Variants in CCDC7 observed in about 807,000 individuals in gnomAD.
The protein encoded by CCDC7 is coiled-coil domain-containing protein 7.
Under a neutral mutation model 196.9 loss-of-function variants are expected in CCDC7, and 183 were observed. The observed-to-expected ratio is 0.93, with a 90% CI of 0.82 to 1.05. The LOEUF (loss-of-function observed/expected upper bound fraction) is 1.05. Among genes scored for constraint, CCDC7 ranks in the 50% least tolerant of loss-of-function variants. The pLI is 0.00. For missense variants in CCDC7, 1,540 were observed against 1,482.2 expected (o/e 1.04, Z -0.64); for synonymous variants, 525 against 484.6 (o/e 1.08, Z -1.10).
chr10:32,698,260 A>T (rs1312364220), intron 24 of CCDC7, among the ~76,000 whole-genome samples: 1 of 152,230 alleles, frequency 6.6e-6, no homozygotes, highest in Non-Finnish European at 1.5e-5. Flanking sequence ...AGAGCAGAAA[A>T]GTTGAAAATT....
intron 11 of CCDC7, among the ~76,000 whole-genome samples, chr10:32,528,616 G>C (rs985566107): frequency 6.7e-6 from 1 of 149,078 alleles, no homozygotes; most frequent in African/African-American, 2.5e-5. Flanking sequence ...GTATTCCATG[G>C]TATTCCATGG....
intron 29 of CCDC7, among the ~76,000 whole-genome samples, chr10:32,788,547 A>C (rs2082211636): frequency 6.6e-6 from 1 of 152,166 alleles, no homozygotes; most frequent in Non-Finnish European, 1.5e-5. Context: ...TTCAAGGTCC[A>C]AGTTTGCTTC....
intron 2 of CCDC7, among the ~76,000 whole-genome samples, chr10:32,454,461 C>T (rs1588695219): frequency 6.6e-6 from 1 of 151,952 alleles, no homozygotes; most frequent in African/African-American, 2.4e-5. Context: ...AACTAGCTAT[C>T]GGGTACTGTG....
chr10:32,788,211 G>T (rs2082153607), intron 29 of CCDC7, among the ~76,000 whole-genome samples: 1 of 151,794 alleles, frequency 6.6e-6, no homozygotes. Flanking sequence ...CCCTAAGCTG[G>T]CCCCTGAAAA....
chr10:32,693,838 G>T (rs1055189300), intron 23 of CCDC7, among the ~76,000 whole-genome samples: 2 of 152,048 alleles, frequency 1.3e-5, no homozygotes, highest in Non-Finnish European at 2.9e-5. Flanking sequence ...GTCTGAGTGC[G>T]CCCTGATATG....
At chr10:32,508,382 T>A (rs1011017968) in intron 9 of CCDC7, among the ~76,000 whole-genome samples, 9 of 152,248 alleles carry the variant, frequency 5.9e-5, no homozygotes, top group African/African-American at 1.7e-4. Flanking sequence ...ACATGAGATA[T>A]ATTGAAGAAG....
intron 28 of CCDC7, among the ~76,000 whole-genome samples, chr10:32,751,815 C>T (rs1193778138): frequency 6.6e-6 from 1 of 152,080 alleles, no homozygotes; most frequent in Non-Finnish European, 1.5e-5. Flanking sequence ...AAACATGCCC[C>T]TGGTTAGAGA....
chr10:32,485,410 G>A (rs1438247508), intron 8 of CCDC7, among the ~76,000 whole-genome samples: 4 of 152,036 alleles, frequency 2.6e-5, no homozygotes, highest in African/African-American at 7.2e-5. Flanking sequence ...TCTTGCTAGT[G>A]GTCTATCAAT....
At chr10:32,705,415 G>A (rs1191596006) in intron 24 of CCDC7, among the ~76,000 whole-genome samples, 1 of 152,020 alleles carries the variant, frequency 6.6e-6, no homozygotes, top group Non-Finnish European at 1.5e-5. Context: ...ACCAACTAAC[G>A]AGCAAAAGAA....
At chr10:32,631,028 G>A (rs572260681) in intron 18 of CCDC7, among the ~76,000 whole-genome samples, 2 of 152,304 alleles carry the variant, frequency 1.3e-5, no homozygotes, top group African/African-American at 4.8e-5. Flanking sequence ...CTGCCATTCT[G>A]TGAGAAGCTC....
At chr10:32,772,402 C>T (rs2079311892) in intron 28 of CCDC7, among the ~76,000 whole-genome samples, 2 of 152,170 alleles carry the variant, frequency 1.3e-5, no homozygotes, top group African/African-American at 4.8e-5. Flanking sequence ...ATAAACTTTC[C>T]CCAGGGAAAT....
At chr10:32,777,827 G>T (rs949010214) in intron 28 of CCDC7, among the ~76,000 whole-genome samples, 6 of 152,208 alleles carry the variant, frequency 3.9e-5, no homozygotes, top group Admixed American at 2.6e-4. Context: ...TCGTGCCACT[G>T]CACTCCAGCC....
chr10:32,505,532 G>T (rs2044785159), intron 9 of CCDC7, among the ~76,000 whole-genome samples: 2 of 152,138 alleles, frequency 1.3e-5, no homozygotes, highest in Admixed American at 6.5e-5. Context: ...CAAGGCAGAA[G>T]AATTTTTCTT....
intron 40 of CCDC7, among the ~76,000 whole-genome samples, chr10:32,853,594 A>AAG (rs780967407): frequency 1.3e-5 from 2 of 152,194 alleles, no homozygotes; most frequent in Non-Finnish European, 2.9e-5. Flanking sequence ...TCCTCCAAAT[A>AAG]AGCAGGTGTT....
intron 9 of CCDC7, among the ~76,000 whole-genome samples, chr10:32,493,711 C>A (rs1437001456): frequency 6.6e-6 from 1 of 151,772 alleles, no homozygotes; most frequent in African/African-American, 2.4e-5. Flanking sequence ...AATGTTTTTT[C>A]TTTTTGATAA....
chr10:32,502,821 A>G lies in CCDC7; in HGVS notation c.872+10824A>G, dbSNP rs575900380. On this transcript the variant is annotated intron_variant, in intron 9 of 41. Transcript: ENST00000639629. ...TTTTCAATTCTTTGTGTGTTCTTCA[A>G]TTTATTTCATCAACATCTTATAGTT... is the stretch of plus-strand genomic sequence containing the variant. 1.1e-4 allele frequency among the ~76,000 whole-genome samples: 17 copies of G among 152,242 alleles called. 1 individual carries two copies. The South Asian group carries it at 3.5e-3, about 32-fold the overall frequency.
intron 25 of CCDC7, chr10:32,725,493 G>A (rs1418670246): frequency 7.0e-6 from 3 of 430,514 alleles, no homozygotes; most frequent in African/African-American, 6.3e-5. Context: ...TATCCTTATT[G>A]AATTAATTTT....
intron 9 of CCDC7, among the ~76,000 whole-genome samples, chr10:32,497,213 T>G (rs1331657775): frequency 6.6e-6 from 1 of 152,244 alleles, no homozygotes; most frequent in African/African-American, 2.4e-5. Context: ...TGGTAGTTTG[T>G]ATTTCTGTGG....
Position 32,702,235 on chromosome 10 carries a change from G to C in CCDC7, c.2458+7243G>C, listed in dbSNP as rs550635093. Reference sequence around the variant, plus strand: ...GTATGTTGTGCCTTTGTTCTCGTTGGTTTCAAAGAACATCTTTATTTCTGC... The same window carrying C: ...GTATGTTGTGCCTTTGTTCTCGTTGCTTTCAAAGAACATCTTTATTTCTGC... On this transcript the variant is annotated intron_variant, in intron 24 of 41. Transcript: ENST00000639629. Among the ~76,000 whole-genome samples, 13 of 152,200 alleles carry C rather than the reference G, an allele frequency of 8.5e-5. No homozygotes were observed. The South Asian group carries it at 2.7e-3, about 32-fold the overall frequency.
Sources: gnomAD v4.1 joint callset for allele counts (sites outside exome capture counted in the v4.1 genomes callset) on GRCh38, gnomAD v4.1.1 for gene constraint, MANE v1.5 for transcripts, NCBI Gene and HGNC (gene_info 2026-07-23, HGNC 2026-07-21) for gene names.